Variants in IL15 observed in about 807,000 individuals in gnomAD.
The protein encoded by IL15 is interleukin 15.
IL15 carries 11 observed loss-of-function variants against 19.6 expected under a neutral mutation model. The observed-to-expected ratio is 0.56, with a 90% CI of 0.35 to 0.93. The LOEUF is 0.93. Among genes scored for constraint, IL15 ranks in the 40% least tolerant of loss-of-function variants. IL15 has a pLI of 0.01. For synonymous variants in IL15, 58 were observed against 59.6 expected (o/e 0.97, Z 0.12); for missense variants, 197 against 186.5 (o/e 1.06, Z -0.33).
At chr4:141,661,431 T>C (rs1727784016) in intron 2 of IL15, among the ~76,000 whole-genome samples, 1 of 151,436 alleles carries the variant, frequency 6.6e-6, no homozygotes, top group African/African-American at 2.4e-5. Context: ...AAGGAAGGGG[T>C]TGTATCCCTT....
intron 2 of IL15, among the ~76,000 whole-genome samples, chr4:141,691,333 C>G (rs1728904196): frequency 6.6e-6 from 1 of 152,102 alleles, no homozygotes. Context: ...CAAACATTAT[C>G]ATTCTGCCCA....
chr4:141,731,475 T>A (rs1393960353), intron 7 of IL15, among the ~76,000 whole-genome samples: 1 of 152,212 alleles, frequency 6.6e-6, no homozygotes, highest in Non-Finnish European at 1.5e-5. Flanking sequence ...ATCTCCATCT[T>A]ATTGGTGGAA....
At chr4:141,703,923 A>G (rs1233779395) in intron 2 of IL15, among the ~76,000 whole-genome samples, 1 of 152,128 alleles carries the variant, frequency 6.6e-6, no homozygotes, top group African/African-American at 2.4e-5. Context: ...TCTGTCCTGC[A>G]ACTTTACTGA....
intron 2 of IL15, among the ~76,000 whole-genome samples, chr4:141,664,556 T>C (rs1439166463): frequency 1.3e-5 from 2 of 152,106 alleles, no homozygotes; most frequent in Non-Finnish European, 2.9e-5. Flanking sequence ...GCAAAGAACA[T>C]AAATGAACAG....
At chr4:141,703,595 T>A (rs1729402880) in intron 2 of IL15, among the ~76,000 whole-genome samples, 1 of 152,110 alleles carries the variant, frequency 6.6e-6, no homozygotes, top group African/African-American at 2.4e-5. Flanking sequence ...AATCTCCCCG[T>A]CTCATACTCT....
intron 2 of IL15, among the ~76,000 whole-genome samples, chr4:141,677,327 A>G (rs1728380158): frequency 6.6e-6 from 1 of 152,124 alleles, no homozygotes; most frequent in African/African-American, 2.4e-5. Flanking sequence ...AATAATAATT[A>G]TGTTTTCTCT....
At chr4:141,710,509 CTG>C (rs1383382583) in intron 2 of IL15, among the ~76,000 whole-genome samples, 2 of 151,988 alleles carry the variant, frequency 1.3e-5, no homozygotes. Context: ...AAATTTATCT[CTG>C]TGTCTACTTT....
intron 7 of IL15, 26 bp downstream of exon 7, chr4:141,730,010 G>T (rs773154079): frequency 2.5e-6 from 4 of 1,579,484 alleles, no homozygotes; most frequent in South Asian, 2.2e-5. Context: ...GTTGCTTAGA[G>T]TTGCATCTTA....
chr4:141,663,978 G>A (rs1189901012), intron 2 of IL15, among the ~76,000 whole-genome samples: 2 of 152,034 alleles, frequency 1.3e-5, no homozygotes, highest in Admixed American at 1.3e-4. Flanking sequence ...CAAACAAACA[G>A]AAACACACAG....
chr4:141,679,202 C>A (rs1054815169), intron 2 of IL15, among the ~76,000 whole-genome samples: 77 of 152,268 alleles, frequency 5.1e-4, no homozygotes, highest in African/African-American at 1.7e-3. Flanking sequence ...TACAGCTGGA[C>A]CTCCTTATTC....
intron 2 of IL15, among the ~76,000 whole-genome samples, chr4:141,698,593 A>G (rs191724114): frequency 2.1e-4 from 32 of 151,912 alleles, no homozygotes; most frequent in African/African-American, 7.5e-4. Flanking sequence ...GAATTTATCA[A>G]TTTCCTGTAG....
At chr4:141,650,567 C>T (rs1727371344) in intron 1 of IL15, among the ~76,000 whole-genome samples, 1 of 152,056 alleles carries the variant, frequency 6.6e-6, no homozygotes, top group African/African-American at 2.4e-5. Flanking sequence ...ATCCAAAACA[C>T]ATTGCTAAAT....
At chr4:141,709,251 AGG>A (rs1729633583) in intron 2 of IL15, among the ~76,000 whole-genome samples, 1 of 152,146 alleles carries the variant, frequency 6.6e-6, no homozygotes, top group South Asian at 2.1e-4. Flanking sequence ...TAAACACTTT[AGG>A]TCTAGGTCAT....
intron 6 of IL15, among the ~76,000 whole-genome samples, chr4:141,728,824 T>C (rs2152193172): frequency 6.6e-6 from 1 of 152,284 alleles, no homozygotes; most frequent in East Asian, 1.9e-4. Context: ...CTGTTTTTCT[T>C]TGCATTTTTT....
chr4:141,664,348 CACACA>C (rs1249835874), intron 2 of IL15, among the ~76,000 whole-genome samples: 100 of 119,478 alleles, frequency 8.4e-4, no homozygotes, highest in African/African-American at 3.6e-3. Flanking sequence ...GCAAAACACA[CACACA>C]CACACACACA....
rs1257443121 is a variant in IL15 at position 141,664,346 on chromosome 4, C to A, written c.-100+8039C>A. Among the ~76,000 whole-genome samples the A allele has an allele frequency of 2.2e-3, 169 of 77,472 alleles. 1 individual carries two copies. Among genetic ancestry groups the A allele is most frequent in the African/African-American group, 7.9e-3 (160 of 20,246 alleles). 50.8% of individuals were successfully genotyped at this position (77,472 alleles called of 152,430 possible). A position where few individuals can be genotyped will look rare whatever the true frequency, so the allele number is the denominator to read the frequency against. On this transcript the variant is annotated intron_variant, in intron 2 of 7. Coordinates refer to ENST00000320650, the MANE Select transcript of IL15 (RefSeq NM_000585.5). ...AAAAAATTCTTTGGTGGGCAAAACA[C>A]ACACACACACACACACACACACACA...
At chr4:141,720,674 G>A in intron 4 of IL15, 108 bp downstream of exon 4, 1 of 734,056 alleles carries the variant, frequency 1.4e-6, no homozygotes, top group South Asian at 1.5e-5. Flanking sequence ...TATATCTCTA[G>A]GTACTCAGTA....
At chr4:141,670,162 A>T (rs992061280) in intron 2 of IL15, among the ~76,000 whole-genome samples, 4 of 151,918 alleles carry the variant, frequency 2.6e-5, no homozygotes, top group African/African-American at 9.7e-5. Flanking sequence ...ATAGTTTCAG[A>T]AAATTTCTAA....
chr4:141,671,968 C>T (rs1728190723), intron 2 of IL15, among the ~76,000 whole-genome samples: 1 of 152,056 alleles, frequency 6.6e-6, no homozygotes, highest in Non-Finnish European at 1.5e-5. Context: ...TTTTTATTTC[C>T]CATTTGGTAA....
Sources: gnomAD v4.1 joint callset for allele counts (sites outside exome capture counted in the v4.1 genomes callset) on GRCh38, gnomAD v4.1.1 for gene constraint, MANE v1.5 for transcripts, NCBI Gene and HGNC (gene_info 2026-07-23, HGNC 2026-07-21) for gene names.